The following ZRANB3 variants were observed in gnomAD, a reference collection of about 807,000 sequenced individuals.
The protein encoded by ZRANB3 is zinc finger RANBP2-type containing 3.
Under a neutral mutation model 133.8 loss-of-function variants are expected in ZRANB3, and 125 were observed. The observed-to-expected ratio is 0.93, with a 90% CI of 0.81 to 1.08. The LOEUF is 1.08. Ranked by LOEUF, ZRANB3 falls within the 50% of genes least tolerant of loss-of-function variation. ZRANB3 has a pLI of 0.00. For missense variants in ZRANB3, 1,229 were observed against 1,275.5 expected (o/e 0.96, Z 0.56); for synonymous variants, 387 against 432.7 (o/e 0.89, Z 1.31).
chr2:135,415,346 A>G (rs1688514759), intron 2 of ZRANB3, among the ~76,000 whole-genome samples: 1 of 152,142 alleles, frequency 6.6e-6, no homozygotes, highest in South Asian at 2.1e-4. Flanking sequence ...CAAATAAACT[A>G]GAAAATCTAG....
intron 12 of ZRANB3, among the ~76,000 whole-genome samples, chr2:135,235,317 T>C (rs1274056643): frequency 1.3e-5 from 2 of 152,070 alleles, no homozygotes; most frequent in Non-Finnish European, 2.9e-5. Context: ...CCAAAAAAAG[T>C]CCAGGACCAG....
At chr2:135,250,523 C>A (rs1679339576) in intron 12 of ZRANB3, among the ~76,000 whole-genome samples, 2 of 152,164 alleles carry the variant, frequency 1.3e-5, no homozygotes, top group Non-Finnish European at 2.9e-5. Flanking sequence ...GCCAGGAGGC[C>A]CAGGAGGAAA....
chr2:135,340,721 C>T (rs947751628), intron 6 of ZRANB3, among the ~76,000 whole-genome samples: 9 of 151,706 alleles, frequency 5.9e-5, no homozygotes, highest in Non-Finnish European at 8.8e-5. Flanking sequence ...GGTGTGGTGG[C>T]GGCACGCGCC....
At chr2:135,364,743 A>T (rs1685846881) in intron 3 of ZRANB3, among the ~76,000 whole-genome samples, 1 of 151,890 alleles carries the variant, frequency 6.6e-6, no homozygotes, top group Admixed American at 6.6e-5. Flanking sequence ...TGACAGAGAG[A>T]GACCCTGTCA....
At chr2:135,408,612 C>T (rs1193143587) in intron 2 of ZRANB3, among the ~76,000 whole-genome samples, 13 of 151,988 alleles carry the variant, frequency 8.6e-5, no homozygotes, top group South Asian at 2.1e-4. Context: ...TAAGAAAATG[C>T]GGCACATATA....
At chr2:135,447,035 T>TTTTTA (rs1270348170) in intron 2 of ZRANB3, among the ~76,000 whole-genome samples, 7 of 152,092 alleles carry the variant, frequency 4.6e-5, no homozygotes, top group Admixed American at 1.3e-4. Flanking sequence ...GTTTCAACCC[T>TTTTTA]TTTTATTTTA....
chr2:135,468,786 A>G (rs1691118361), intron 2 of ZRANB3, among the ~76,000 whole-genome samples: 1 of 152,242 alleles, frequency 6.6e-6, no homozygotes, highest in Non-Finnish European at 1.5e-5. Flanking sequence ...GACAAAGTAA[A>G]AAATTCTCAC....
At chr2:135,498,282 CAGA>C (rs1429875048) in intron 2 of ZRANB3, among the ~76,000 whole-genome samples, 1 of 152,040 alleles carries the variant, frequency 6.6e-6, no homozygotes, top group Non-Finnish European at 1.5e-5. Flanking sequence ...GAAGCCATGG[CAGA>C]AGAACATAAA....
At chr2:135,492,239 A>T (rs1402594579) in intron 2 of ZRANB3, among the ~76,000 whole-genome samples, 4 of 152,236 alleles carry the variant, frequency 2.6e-5, no homozygotes, top group African/African-American at 9.6e-5. Context: ...TGAGTTTAAC[A>T]CTGTTACTTA....
At chr2:135,372,718 C>T (rs1221603409) in intron 3 of ZRANB3, among the ~76,000 whole-genome samples, 2 of 147,408 alleles carry the variant, frequency 1.4e-5, no homozygotes, top group African/African-American at 2.5e-5. Context: ...ACCCGGGAGG[C>T]GGAGCTTGCA....
chr2:135,475,111 AT>A (rs1347666366), intron 2 of ZRANB3, among the ~76,000 whole-genome samples: 1 of 152,200 alleles, frequency 6.6e-6, no homozygotes. Flanking sequence ...TCATTTGTTG[AT>A]GCCTAACAAT....
intron 3 of ZRANB3, among the ~76,000 whole-genome samples, chr2:135,375,885 T>C (rs917329480): frequency 6.6e-6 from 1 of 152,084 alleles, no homozygotes; most frequent in Non-Finnish European, 1.5e-5. Context: ...TCTTACCATA[T>C]GTTATGGGTT....
chr2:135,404,750 T>A lies in ZRANB3; in HGVS notation c.162-13930A>T, dbSNP rs1574049005. Among the ~76,000 whole-genome samples, 2 of 152,260 alleles carry A rather than the reference T, an allele frequency of 1.3e-5. 1 individual carries two copies. Among genetic ancestry groups the A allele is most frequent in the African/African-American group, 4.8e-5 (2 of 41,532 alleles). Reference sequence around the variant, plus strand: ...GGAAGCCCATTAGACTAACGGCGGATCTCTCGGCAGAAACTCTACAAGCCA... The same window carrying A: ...GGAAGCCCATTAGACTAACGGCGGAACTCTCGGCAGAAACTCTACAAGCCA... On this transcript the variant is annotated intron_variant, in intron 2 of 20. Transcript: ENST00000264159.
intron 8 of ZRANB3, among the ~76,000 whole-genome samples, chr2:135,303,290 C>T (rs759627161): frequency 6.6e-6 from 1 of 152,058 alleles, no homozygotes; most frequent in African/African-American, 2.4e-5. Context: ...AAACATTGTC[C>T]TACCCAAAAG....
At chr2:135,426,611 C>T (rs1448911610) in intron 2 of ZRANB3, among the ~76,000 whole-genome samples, 2 of 151,188 alleles carry the variant, frequency 1.3e-5, no homozygotes, top group African/African-American at 4.9e-5. Flanking sequence ...GGGCGGATCA[C>T]GAGGTCAGGA....
chr2:135,230,396 A>C lies in ZRANB3; in HGVS notation c.1954+117T>G, dbSNP rs893638372. 33 of 887,552 alleles carry C rather than the reference A, an allele frequency of 3.7e-5. No individual in the cohort carries two copies. The African/African-American group carries it at 5.3e-4, about 14-fold the overall frequency. 55.0% of individuals were successfully genotyped at this position (887,552 alleles called of 1,614,324 possible). On this transcript the variant is annotated intron_variant, in intron 13 of 20. Transcript: ENST00000264159. ...ATAAGAAGCTCTTATTCCAATTTAAAAGCTAAAGTTGTGCTGAGTCACACT... is the reference window on the plus strand; with the variant it reads ...ATAAGAAGCTCTTATTCCAATTTAACAGCTAAAGTTGTGCTGAGTCACACT...
intron 1 of ZRANB3, among the ~76,000 whole-genome samples, chr2:135,504,893 A>C (rs1201712953): frequency 1.3e-5 from 2 of 152,140 alleles, no homozygotes; most frequent in African/African-American, 4.8e-5. Context: ...ATGGATCCAC[A>C]TTTTCATATC....
At position 135,365,687 on chromosome 2, in the gene ZRANB3, CACTTGGCAA is replaced by C. The variant is rs200402660; in HGVS notation, c.181-12068_181-12060del. Among the ~76,000 whole-genome samples the C allele has an allele frequency of 1.2e-4, 19 of 152,268 alleles. No homozygotes were observed. In the East Asian group the frequency reaches 3.3e-3, roughly 26 times the overall value. On this transcript the variant is annotated intron_variant, in intron 3 of 20. Coordinates refer to ENST00000264159, the MANE Select transcript of ZRANB3 (RefSeq NM_032143.4). ...ACAAAGAGCAGATAAGAAGCATTTGCACTTGGCAAACTTGATTACTGCCATTAAGGACCA... is the reference window on the plus strand; with the variant it reads ...ACAAAGAGCAGATAAGAAGCATTTGCACTTGATTACTGCCATTAAGGACCA...
In ZRANB3 at chr2:135,455,158, A is replaced by G. The variant is rs1009771734; in HGVS notation, c.161+49171T>C. 9.0e-5 allele frequency among the ~76,000 whole-genome samples: 12 copies of G among 132,910 alleles called. No homozygotes were observed. In the South Asian group the frequency reaches 2.5e-3, roughly 28 times the overall value. The allele number at this position is 132,910 out of a possible 152,430, so 87.2% of individuals were successfully genotyped here. A position where few individuals can be genotyped will look rare whatever the true frequency, so the allele number is the denominator to read the frequency against. The stretch of plus-strand genomic sequence containing the variant: ...TGCCTGGCCACTGAATGGGATCACA[A>G]TGCCTTCTTATACTTTTTTTTTTTT... On this transcript the variant is annotated intron_variant, in intron 2 of 20. Coordinates refer to ENST00000264159, the MANE Select transcript of ZRANB3 (RefSeq NM_032143.4).
Sources: allele counts gnomAD v4.1 joint callset (sites outside exome capture counted in the v4.1 genomes callset), GRCh38; gene constraint gnomAD v4.1.1; transcripts MANE v1.5; gene names NCBI Gene and HGNC (gene_info 2026-07-23, HGNC 2026-07-21).